Variants in SAMMSON observed in about 807,000 individuals in gnomAD.
The protein encoded by SAMMSON is survival associated mitochondrial melanoma specific oncogenic non-coding RNA, also known as long intergenic non-protein coding RNA 1212.
chr3:70,012,647 A>G (rs978444626), intron 2 of SAMMSON: 1 of 152,154 alleles, frequency 6.6e-6, no homozygotes, highest in African/African-American at 2.4e-5. Flanking sequence ...GTAATTTGTT[A>G]CATCAGCCAT....
chr3:70,204,263 C>T (rs562772152), intron 4 of SAMMSON, among the ~76,000 whole-genome samples: 10 of 152,228 alleles, frequency 6.6e-5, no homozygotes, highest in Admixed American at 5.2e-4. Context: ...CCCTGCTGTT[C>T]CTGAAAGATA....
At chr3:70,232,919 G>A (rs906486404) in intron 4 of SAMMSON, among the ~76,000 whole-genome samples, 2 of 152,032 alleles carry the variant, frequency 1.3e-5, no homozygotes, top group African/African-American at 4.8e-5. Flanking sequence ...CTAGGCGTGG[G>A]GGTTCACACC....
intron 4 of SAMMSON, among the ~76,000 whole-genome samples, chr3:70,192,916 T>C (rs1701141936): frequency 6.6e-6 from 1 of 152,150 alleles, no homozygotes; most frequent in Admixed American, 6.5e-5. Flanking sequence ...GACATTTAGA[T>C]ATTTGTTGGT....
chr3:70,385,906 C>A (rs530615042), intron 9 of SAMMSON, among the ~76,000 whole-genome samples: 4 of 152,012 alleles, frequency 2.6e-5, no homozygotes, highest in Non-Finnish European at 4.4e-5. Flanking sequence ...GCTTGAAGAG[C>A]ACTATTAATA....
chr3:70,406,148 T>C, intron 2 of SAMMSON, among the ~76,000 whole-genome samples: 1 of 152,216 alleles, frequency 6.6e-6, no homozygotes, highest in East Asian at 1.9e-4. Flanking sequence ...AACATCATGT[T>C]GCACATGATA....
chr3:70,183,825 A>T (rs574412516), intron 4 of SAMMSON: 1 of 152,360 alleles, frequency 6.6e-6, no homozygotes, highest in East Asian at 1.9e-4. Flanking sequence ...GTTTAAAAAA[A>T]TAATGAGAGC....
At chr3:70,084,659 C>T (rs2067279361) in intron 4 of SAMMSON, 1 of 152,126 alleles carries the variant, frequency 6.6e-6, no homozygotes, top group African/African-American at 2.4e-5. Context: ...AGCTTTCCCT[C>T]CCCATTAATT....
At chr3:70,261,131 A>G (rs963663663) in intron 6 of SAMMSON, among the ~76,000 whole-genome samples, 1 of 152,230 alleles carries the variant, frequency 6.6e-6, no homozygotes, top group African/African-American at 2.4e-5. Flanking sequence ...TCAGATGTCC[A>G]TTAGCAGATA....
At chr3:70,415,535 G>T (rs570697129) in intron 2 of SAMMSON, among the ~76,000 whole-genome samples, 2 of 152,116 alleles carry the variant, frequency 1.3e-5, no homozygotes, top group African/African-American at 2.4e-5. Context: ...ACTGGATCTG[G>T]TTTTTAATCA....
intron 6 of SAMMSON, among the ~76,000 whole-genome samples, chr3:70,282,946 A>C (rs2106683590): frequency 6.6e-6 from 1 of 152,300 alleles, no homozygotes; most frequent in South Asian, 2.1e-4. Context: ...GACTCTTATA[A>C]CCATTGAGTG....
chr3:70,181,165 T>C (rs567266924), intron 4 of SAMMSON, among the ~76,000 whole-genome samples: 2 of 152,288 alleles, frequency 1.3e-5, no homozygotes, highest in East Asian at 3.9e-4. Context: ...CCAGCAGCAT[T>C]GCTCCTTTCC....
intron 3 of SAMMSON, among the ~76,000 whole-genome samples, chr3:70,028,090 T>TTCC (rs2107582862): frequency 7.0e-6 from 1 of 143,598 alleles, no homozygotes; most frequent in African/African-American, 2.9e-5. Flanking sequence ...CCTTCTTTCC[T>TTCC]TCCTTCCTTC....
At chr3:70,018,929 G>T (rs1230176559) in intron 3 of SAMMSON, among the ~76,000 whole-genome samples, 2 of 152,218 alleles carry the variant, frequency 1.3e-5, no homozygotes, top group Non-Finnish European at 2.9e-5. Context: ...TAGTTTGATT[G>T]CACTGTGGTC....
At chr3:70,002,316 A>G (rs1244034165) in intron 1 of SAMMSON, among the ~76,000 whole-genome samples, 1 of 152,236 alleles carries the variant, frequency 6.6e-6, no homozygotes, top group Non-Finnish European at 1.5e-5. Flanking sequence ...ATATAAGAAT[A>G]ACAACTACTG....
chr3:70,149,661 G>A (rs565219520), intron 4 of SAMMSON, among the ~76,000 whole-genome samples: 10 of 152,180 alleles, frequency 6.6e-5, no homozygotes, highest in Non-Finnish European at 1.0e-4. Context: ...TATTTCAAGC[G>A]GGGCTCTGGA....
intron 7 of SAMMSON, among the ~76,000 whole-genome samples, chr3:70,328,147 G>A (rs1559564774): frequency 6.6e-6 from 1 of 152,110 alleles, no homozygotes; most frequent in Non-Finnish European, 1.5e-5. Context: ...ATAATAGCAT[G>A]GGAAAGGTCT....
At chr3:70,156,208 G>C (rs753191849) in intron 4 of SAMMSON, among the ~76,000 whole-genome samples, 1 of 152,020 alleles carries the variant, frequency 6.6e-6, no homozygotes, top group African/African-American at 2.4e-5. Flanking sequence ...GGTCGGATGA[G>C]GGTTTGTTTC....
intron 6 of SAMMSON, among the ~76,000 whole-genome samples, chr3:70,263,636 G>A (rs1208154962): frequency 6.6e-6 from 1 of 152,196 alleles, no homozygotes; most frequent in Non-Finnish European, 1.5e-5. Context: ...ATGGTATTCA[G>A]CAAAAGACTC....
At chr3:70,323,368 G>A (rs180675414) in intron 7 of SAMMSON, among the ~76,000 whole-genome samples, 38 of 152,158 alleles carry the variant, frequency 2.5e-4, no homozygotes, top group African/African-American at 8.7e-4. Context: ...TCATTTCTCC[G>A]AATTGTCAAC....
Sources: gnomAD v4.1 joint callset for allele counts (sites outside exome capture counted in the v4.1 genomes callset) on GRCh38, gnomAD v4.1.1 for gene constraint, MANE v1.5 for transcripts, NCBI Gene and HGNC (gene_info 2026-07-23, HGNC 2026-07-21) for gene names.